The following ST8SIA1 variants were observed in gnomAD, a reference collection of about 807,000 sequenced individuals.
The protein encoded by ST8SIA1 is ST8 alpha-N-acetyl-neuraminide alpha-2,8-sialyltransferase 1.
In ST8SIA1, 16 loss-of-function variants were observed where a neutral mutation model predicts 35.9. The ratio of observed to expected loss-of-function variants is 0.45; its 90% CI spans 0.30 to 0.68. The LOEUF (loss-of-function observed/expected upper bound fraction) is 0.68, where lower values mean the gene tolerates loss of function less well. ST8SIA1 is among the 30% of genes least tolerant of loss of function. The pLI is 0.09. For synonymous variants in ST8SIA1, 170 were observed against 169.6 expected (o/e 1.00, Z -0.02); for missense variants, 383 against 453.6 (o/e 0.84, Z 1.41).
chr12:22,242,016 G>A (rs1281913387), intron 4 of ST8SIA1, among the ~76,000 whole-genome samples: 1 of 151,976 alleles, frequency 6.6e-6, no homozygotes, highest in Admixed American at 6.6e-5. Flanking sequence ...TTTCATAAAA[G>A]AAAGTCATGC....
At chr12:22,223,839 C>G in intron 4 of ST8SIA1, 1 of 1,155,752 alleles carries the variant, frequency 8.7e-7, no homozygotes, top group Non-Finnish European at 1.1e-6. Flanking sequence ...ATATCCTTAA[C>G]AATAGAATGT....
chr12:22,269,669 A>G (rs1169307244), intron 2 of ST8SIA1, among the ~76,000 whole-genome samples: 1 of 152,214 alleles, frequency 6.6e-6, no homozygotes, highest in Non-Finnish European at 1.5e-5. Context: ...AGAGCTAAGA[A>G]GGTAGCTGAG....
At chr12:22,202,794 G>C (rs1865063998) in intron 4 of ST8SIA1, among the ~76,000 whole-genome samples, 1 of 152,188 alleles carries the variant, frequency 6.6e-6, no homozygotes, top group Non-Finnish European at 1.5e-5. Flanking sequence ...GAAAGCTACA[G>C]AGTGGGAATA....
chr12:22,273,694 G>C (rs1865938231), intron 2 of ST8SIA1, among the ~76,000 whole-genome samples: 1 of 152,030 alleles, frequency 6.6e-6, no homozygotes, highest in Non-Finnish European at 1.5e-5. Flanking sequence ...ATAGGCTCTA[G>C]GTACACCAGG....
chr12:22,221,179 C>A (rs1865296263), intron 4 of ST8SIA1, among the ~76,000 whole-genome samples: 2 of 151,886 alleles, frequency 1.3e-5, no homozygotes, highest in South Asian at 4.2e-4. Flanking sequence ...TGCCCACCAG[C>A]AATACCACTA....
intron 1 of ST8SIA1, among the ~76,000 whole-genome samples, chr12:22,321,355 A>G (rs1866598187): frequency 6.6e-6 from 1 of 152,212 alleles, no homozygotes; most frequent in Non-Finnish European, 1.5e-5. Context: ...AAGGCTGGGC[A>G]GCCAAGCAGG....
intron 1 of ST8SIA1, among the ~76,000 whole-genome samples, chr12:22,304,864 A>G (rs1866365020): frequency 6.6e-6 from 1 of 152,212 alleles, no homozygotes; most frequent in South Asian, 2.1e-4. Context: ...TTACAGTCCT[A>G]TGGTAGATTT....
chr12:22,251,371 T>C (rs1163461638), intron 3 of ST8SIA1, among the ~76,000 whole-genome samples: 4 of 152,202 alleles, frequency 2.6e-5, no homozygotes, highest in Non-Finnish European at 4.4e-5. Flanking sequence ...AATAGCCCAA[T>C]AAAAACTTGC....
intron 1 of ST8SIA1, among the ~76,000 whole-genome samples, chr12:22,300,830 A>C (rs1449778260): frequency 6.6e-6 from 1 of 152,162 alleles, no homozygotes; most frequent in African/African-American, 2.4e-5. Flanking sequence ...TTCTGACTTA[A>C]TTAATCCTTT....
intron 1 of ST8SIA1, 134 bp from the exon 2 acceptor site, chr12:22,287,427 A>T: frequency 2.8e-6 from 2 of 723,446 alleles, no homozygotes; most frequent in South Asian, 3.0e-5. Flanking sequence ...CTCCAGGGTG[A>T]TTAGACTACT....
At chr12:22,329,274 G>A (rs1866726192) in intron 1 of ST8SIA1, among the ~76,000 whole-genome samples, 1 of 151,990 alleles carries the variant, frequency 6.6e-6, no homozygotes. Flanking sequence ...TTTTGTTCAT[G>A]GATCTGTCTA....
At chr12:22,207,263 C>G (rs533074542) in intron 4 of ST8SIA1, among the ~76,000 whole-genome samples, 4 of 152,314 alleles carry the variant, frequency 2.6e-5, no homozygotes, top group African/African-American at 9.6e-5. Context: ...AACTTTTTAT[C>G]TCAGATGTGA....
intron 4 of ST8SIA1, among the ~76,000 whole-genome samples, chr12:22,203,665 AT>A (rs1865074545): frequency 6.6e-6 from 1 of 152,148 alleles, no homozygotes; most frequent in Non-Finnish European, 1.5e-5. Context: ...ATGGAAGCAC[AT>A]TCAACCATAT....
intron 4 of ST8SIA1, among the ~76,000 whole-genome samples, chr12:22,210,719 G>A (rs1865167542): frequency 1.3e-5 from 2 of 152,172 alleles, no homozygotes; most frequent in Non-Finnish European, 2.9e-5. Context: ...ACATTTACTG[G>A]TTTATTATAA....
At chr12:22,280,970 T>A (rs1866026981) in intron 2 of ST8SIA1, among the ~76,000 whole-genome samples, 1 of 152,242 alleles carries the variant, frequency 6.6e-6, no homozygotes, top group Non-Finnish European at 1.5e-5. Context: ...GACTGTAACA[T>A]TCTCTGTTAC....
In ST8SIA1 at chr12:22,239,381, T is replaced by C. The variant is rs576192803; in HGVS notation, c.584+9625A>G. ...CTTTGTCTTGCCTTTGTATTTTCTATAGCCTCATTATCTGGAAAATTATTT... is the reference window on the plus strand; with the variant it reads ...CTTTGTCTTGCCTTTGTATTTTCTACAGCCTCATTATCTGGAAAATTATTT... On this transcript the variant is annotated intron_variant, in intron 4 of 4. Transcript: ENST00000396037. Among the ~76,000 whole-genome samples the C allele has an allele frequency of 1.4e-3, 206 of 152,312 alleles. 1 individual carries two copies. The highest frequency in any genetic ancestry group is 7.3e-3 in the South Asian group (35 of 4,826).
chr12:22,307,265 C>G (rs1866397510), intron 1 of ST8SIA1, among the ~76,000 whole-genome samples: 1 of 152,110 alleles, frequency 6.6e-6, no homozygotes, highest in African/African-American at 2.4e-5. Flanking sequence ...AGAGGTTGAT[C>G]CACGGGGACT....
intron 4 of ST8SIA1, among the ~76,000 whole-genome samples, chr12:22,224,467 G>A (rs1363610303): frequency 1.3e-5 from 2 of 151,994 alleles, no homozygotes; most frequent in East Asian, 3.9e-4. Flanking sequence ...ACACCACCAG[G>A]CCTGGCTCAT....
intron 1 of ST8SIA1, among the ~76,000 whole-genome samples, chr12:22,300,914 C>T (rs192668749): frequency 6.6e-6 from 1 of 151,962 alleles, no homozygotes; most frequent in Non-Finnish European, 1.5e-5. Flanking sequence ...TAGGAAGCAT[C>T]GTCAAATCTG....
Sources: gnomAD v4.1 joint callset for allele counts (sites outside exome capture counted in the v4.1 genomes callset) on GRCh38, gnomAD v4.1.1 for gene constraint, MANE v1.5 for transcripts, NCBI Gene and HGNC (gene_info 2026-07-23, HGNC 2026-07-21) for gene names.